ACTL8: variants seen among roughly 807,000 people sequenced by gnomAD.
ACTL8 encodes the protein actin like 8, also known as actin-like protein 8.
ACTL8 carries 3 observed loss-of-function variants against 9.3 expected under a neutral mutation model. The ratio of observed to expected loss-of-function variants is 0.32; its 90% CI spans 0.15 to 0.83. ACTL8 has a LOEUF of 0.83. ACTL8 is among the 40% of genes least tolerant of loss of function. ACTL8 has a pLI of 0.57. For missense variants in ACTL8, 381 were observed against 492.2 expected (o/e 0.77, Z 2.14); for synonymous variants, 224 against 205.9 (o/e 1.09, Z -0.75).
intron 1 of ACTL8, among the ~76,000 whole-genome samples, chr1:17,804,473 GGGCA>G (rs1378570454): frequency 6.6e-6 from 1 of 152,158 alleles, no homozygotes; most frequent in African/African-American, 2.4e-5. Flanking sequence ...CATGGGGAAA[GGGCA>G]GGTCCAAAGC....
At chr1:17,755,990 T>A (rs929951508) in intron 1 of ACTL8, among the ~76,000 whole-genome samples, 1 of 152,000 alleles carries the variant, frequency 6.6e-6, no homozygotes, top group Non-Finnish European at 1.5e-5. Flanking sequence ...CTGGGAGGGC[T>A]CTTTTTTTGA....
At chr1:17,800,137 T>C (rs190862028) in intron 1 of ACTL8, among the ~76,000 whole-genome samples, 2 of 152,334 alleles carry the variant, frequency 1.3e-5, no homozygotes, top group East Asian at 1.9e-4. Flanking sequence ...GTAATTATTA[T>C]TGAAATTACT....
intron 1 of ACTL8, among the ~76,000 whole-genome samples, chr1:17,817,332 G>A (rs967282003): frequency 1.3e-5 from 2 of 151,996 alleles, no homozygotes; most frequent in African/African-American, 4.8e-5. Flanking sequence ...TGGTAGAATT[G>A]CTCTCAATCT....
chr1:17,802,800 T>A (rs1017268455), intron 1 of ACTL8, among the ~76,000 whole-genome samples: 1 of 152,054 alleles, frequency 6.6e-6, no homozygotes, highest in East Asian at 1.9e-4. Flanking sequence ...CTGGTCAACA[T>A]GGCGAAACCC....
intron 1 of ACTL8, among the ~76,000 whole-genome samples, chr1:17,784,064 T>G (rs12068268): frequency 0.086 from 13,093 of 152,258 alleles, 1,676 homozygotes; most frequent in African/African-American, 0.28. Context: ...TATAAAGAAC[T>G]ACCTGAGACT....
In ACTL8 at chr1:17,755,445, C is replaced by T. The variant is rs1477604843; in HGVS notation, c.-84C>T. ...TTTCAAGTTGTTTTGCAGTGGGTGC[C>T]TCTTGTGAGACACTGTTTCTGAGAG... On this transcript the variant is annotated 5_prime_UTR_variant, in exon 1 of 3. Transcript: ENST00000375406. 6.6e-6 allele frequency: 1 copy of T among 152,154 alleles called. No individual in the cohort carries two copies. Among genetic ancestry groups the T allele is most frequent in the Non-Finnish European group, 1.5e-5 (1 of 68,034 alleles). The allele number at this position is 152,154 out of a possible 1,614,324, so 9.4% of individuals were successfully genotyped here.
chr1:17,826,028 G>T lies in ACTL8; in HGVS notation c.610G>T (p.Val204Phe). Residue 204 changes from valine to phenylalanine, a missense_variant, in exon 3 of 3, where the codon GTC (valine) becomes TTC (phenylalanine). Physicochemically the swap from Val to Phe is conservative, Grantham distance 50 (BLOSUM62 -1). Transcript: ENST00000375406. This position sits in a 1 kb window ranked among gnomAD's most constrained non-coding sequence, Gnocchi z 4.5. ...ACGCTGCCTGTTTCAGCTGGAGACA[G>T]TCGCCGTGACTCAGATGAACAAGTG... ...DRRCLFQLETVAVTQMNKCYV... is the reference protein window; with the variant it reads ...DRRCLFQLETFAVTQMNKCYV... 6.2e-7 allele frequency: 1 copy of T among 1,606,594 alleles called. No homozygotes were observed. Among genetic ancestry groups the T allele is most frequent in the Non-Finnish European group, 8.5e-7 (1 of 1,179,966 alleles).
Position 17,823,387 on chromosome 1 carries a change from G to A in ACTL8, c.348+31G>A. 1 of 1,582,264 alleles carries A rather than the reference G, an allele frequency of 6.3e-7. No homozygotes were observed. The highest frequency in any genetic ancestry group is 8.6e-7 in the Non-Finnish European group (1 of 1,163,222). ...GCCTGCCGGGGCCTGCTCCCACTCG[G>A]GAGCGGGAAACAGACTGACACTATG... On this transcript the variant is annotated intron_variant, in intron 2 of 2. Coordinates refer to ENST00000375406, the MANE Select transcript of ACTL8 (RefSeq NM_030812.3). This position sits in a 1 kb window ranked among gnomAD's most constrained non-coding sequence, Gnocchi z 5.3.
chr1:17,798,123 T>G lies in ACTL8; in HGVS notation c.-24-24862T>G, dbSNP rs563870128. The stretch of plus-strand genomic sequence containing the variant: ...CTAGGATCTCAAGGAATTAGCTAAT[T>G]AGGCTGGTGTGCCTAGAAGGCAGAG... On this transcript the variant is annotated intron_variant, in intron 1 of 2. Coordinates refer to ENST00000375406, the MANE Select transcript of ACTL8 (RefSeq NM_030812.3). Among the ~76,000 whole-genome samples the G allele has an allele frequency of 7.9e-5, 12 of 152,272 alleles. No homozygotes were observed. The East Asian group carries it at 2.3e-3, about 29-fold the overall frequency.
At chr1:17,775,236 G>A (rs2066110872) in intron 1 of ACTL8, among the ~76,000 whole-genome samples, 5 of 152,186 alleles carry the variant, frequency 3.3e-5, no homozygotes, top group Admixed American at 3.3e-4. Flanking sequence ...GCTGATGTCA[G>A]CCAGTACGTT....
At chr1:17,802,367 G>A (rs1463915087) in intron 1 of ACTL8, among the ~76,000 whole-genome samples, 1 of 152,054 alleles carries the variant, frequency 6.6e-6, no homozygotes, top group East Asian at 1.9e-4. Flanking sequence ...GGTGGACGTG[G>A]AGTCAGGAGT....
Position 17,767,477 on chromosome 1 carries a change from A to G in ACTL8, c.-25+11973A>G, listed in dbSNP as rs1225619666. Among the ~76,000 whole-genome samples the G allele has an allele frequency of 6.6e-6, 1 of 152,034 alleles. No homozygotes were observed. Among genetic ancestry groups the G allele is most frequent in the Non-Finnish European group, 1.5e-5 (1 of 68,000 alleles). ...TTTCCTCCCGGACTGACGTCTGCAC[A>G]TCCTTCTCTCCCGGCTAAGACCTTC... On this transcript the variant is annotated intron_variant, in intron 1 of 2. Transcript: ENST00000375406. This position sits in a 1 kb window ranked among gnomAD's most constrained non-coding sequence, Gnocchi z 4.7.
At position 17,826,238 on chromosome 1, in the gene ACTL8, C is replaced by G; in HGVS notation, c.820C>G (p.Arg274Gly). The change falls in exon 3 of 3, where the codon CGG (arginine) becomes GGG (glycine). Residue 274 changes from arginine to glycine, a missense_variant. By Grantham distance (125) the Arg-to-Gly change is moderately radical. Around this residue, in one of 3 missense-constraint regions of ACTL8, gnomAD observed 243 missense variants for 276.2 expected, o/e 0.88. Transcript: ENST00000375406. This position sits in a 1 kb window ranked among gnomAD's most constrained non-coding sequence, Gnocchi z 4.5. Reference protein sequence around the residue: ...VFEQPGPSIPRAIVESVESCE... With the variant: ...VFEQPGPSIPGAIVESVESCE... ...CGAGCAGCCGGGGCCCAGCATCCCA[C>G]GGGCCATTGTGGAATCCGTGGAGTC... The G allele has an allele frequency of 6.2e-7, 1 of 1,613,388 alleles. No homozygotes were observed. Among genetic ancestry groups the G allele is most frequent in the South Asian group, 1.1e-5 (1 of 91,070 alleles).
At chr1:17,802,424 C>A (rs78083502) in intron 1 of ACTL8, among the ~76,000 whole-genome samples, 2 of 146,594 alleles carry the variant, frequency 1.4e-5, no homozygotes, top group Admixed American at 6.9e-5. Flanking sequence ...ACTGTGCGTG[C>A]GTGTGTGTGT....
At chr1:17,770,182 T>G (rs1458257097) in intron 1 of ACTL8, among the ~76,000 whole-genome samples, 1 of 152,230 alleles carries the variant, frequency 6.6e-6, no homozygotes, top group Non-Finnish European at 1.5e-5. Context: ...TCTCTCCAGA[T>G]TACTTCCTCC....
At chr1:17,798,543 G>A (rs1420232820) in intron 1 of ACTL8, among the ~76,000 whole-genome samples, 1 of 152,138 alleles carries the variant, frequency 6.6e-6, no homozygotes, top group Non-Finnish European at 1.5e-5. Context: ...GGACCAGAGA[G>A]TTTTCTTGGG....
intron 1 of ACTL8, 58 bp downstream of exon 1, chr1:17,755,562 T>G (rs1299501095): frequency 1.3e-5 from 2 of 151,844 alleles, no homozygotes; most frequent in East Asian, 3.9e-4. Flanking sequence ...GACTGTTTTT[T>G]TTTTTTTTTT....
chr1:17,804,651 A>G (rs1354645685), intron 1 of ACTL8, among the ~76,000 whole-genome samples: 1 of 149,310 alleles, frequency 6.7e-6, no homozygotes, highest in African/African-American at 2.5e-5. Context: ...TTTGTTGCCC[A>G]GGCTGGAGTA....
chr1:17,764,376 G>A (rs1468424001), intron 1 of ACTL8, among the ~76,000 whole-genome samples: 1 of 152,224 alleles, frequency 6.6e-6, no homozygotes, highest in Non-Finnish European at 1.5e-5. Context: ...ATGAACACCA[G>A]TGGGCAAGCC....
Sources: gnomAD v4.1 joint callset for allele counts (sites outside exome capture counted in the v4.1 genomes callset) on GRCh38, gnomAD v4.1.1 for gene constraint, gnomAD v4.1.1 regional missense constraint, Gnocchi (gnomAD v3.1) non-coding constraint, MANE v1.5 for transcripts, NCBI Gene and HGNC (gene_info 2026-07-23, HGNC 2026-07-21) for gene names.